Variants in DENND5A observed in about 807,000 individuals in gnomAD.
The protein encoded by DENND5A is DENN domain containing 5A.
A neutral mutation model predicts 140.3 loss-of-function variants in DENND5A; 64 were observed. The ratio of observed to expected loss-of-function variants is 0.46; its 90% CI spans 0.37 to 0.56. The LOEUF (loss-of-function observed/expected upper bound fraction) is 0.56. Among genes scored for constraint, DENND5A ranks in the 20% least tolerant of loss-of-function variants. The pLI is 0.00. For synonymous variants in DENND5A, 605 were observed against 607.7 expected (o/e 1.00, Z 0.07); for missense variants, 1,292 against 1,593.8 (o/e 0.81, Z 3.22).
chr11:9,197,242 T>C (rs963384121), intron 4 of DENND5A, among the ~76,000 whole-genome samples: 1 of 149,768 alleles, frequency 6.7e-6, no homozygotes, highest in Non-Finnish European at 1.5e-5. Context: ...GAGGCAGAGG[T>C]TGCAGCGAGC....
At chr11:9,199,392 G>C (rs1278506639) in intron 4 of DENND5A, among the ~76,000 whole-genome samples, 1 of 152,146 alleles carries the variant, frequency 6.6e-6, no homozygotes, top group Non-Finnish European at 1.5e-5. Context: ...AGCTACCCAG[G>C]AGGCTGAGGT....
At chr11:9,251,830 A>T (rs995218740) in intron 1 of DENND5A, among the ~76,000 whole-genome samples, 1 of 150,806 alleles carries the variant, frequency 6.6e-6, no homozygotes, top group African/African-American at 2.4e-5. Flanking sequence ...TCTACTAAAA[A>T]TACAAAAAAT....
At chr11:9,170,213 TAACTC>T (rs1453852532) in intron 9 of DENND5A, 10 of 907,136 alleles carry the variant, frequency 1.1e-5, no homozygotes, top group Non-Finnish European at 1.3e-5. Flanking sequence ...TATATTCACT[TAACTC>T]TATCTGGGCT....
chr11:9,248,411 G>A (rs1278820379), intron 1 of DENND5A, among the ~76,000 whole-genome samples: 1 of 152,060 alleles, frequency 6.6e-6, no homozygotes, highest in Non-Finnish European at 1.5e-5. Context: ...AAGAGAGAGA[G>A]AAGCTGAGGT....
intron 1 of DENND5A, among the ~76,000 whole-genome samples, chr11:9,255,243 A>C (rs566731093): frequency 6.6e-6 from 1 of 152,314 alleles, no homozygotes; most frequent in African/African-American, 2.4e-5. Context: ...CTGCTATTGG[A>C]AATGTACACT....
chr11:9,146,035 G>T (rs1847420712), intron 16 of DENND5A, among the ~76,000 whole-genome samples: 1 of 152,054 alleles, frequency 6.6e-6, no homozygotes, highest in South Asian at 2.1e-4. Context: ...CTCCTCTCAG[G>T]CTTACCACCC....
intron 12 of DENND5A, among the ~76,000 whole-genome samples, chr11:9,153,879 T>A (rs886618691): frequency 6.6e-6 from 1 of 152,244 alleles, no homozygotes; most frequent in Non-Finnish European, 1.5e-5. Flanking sequence ...TTTGCAAGCC[T>A]GATGTGAGGG....
At position 9,142,042 on chromosome 11, in the gene DENND5A, G is replaced by C. The variant is rs766305722; in HGVS notation, c.3578C>G (p.Thr1193Arg). 6.2e-7 allele frequency: 1 copy of C among 1,606,342 alleles called. No homozygotes were observed. Among genetic ancestry groups the C allele is most frequent in the Non-Finnish European group, 8.5e-7 (1 of 1,176,494 alleles). The change falls in exon 22 of 23, where the codon ACA (threonine) becomes AGA (arginine). Residue 1193 changes from threonine to arginine, a missense_variant. Thr to Arg is a moderately conservative substitution (Grantham distance 71). Transcript: ENST00000328194. ...NEVVPEENWH[T>R]RARNFCRFVT... ...AAATCGGCAGAAGTTCCGGGCTCTTGTATGCCAGTTTTCCTCAGGGACTAC... is the reference window on the plus strand; with the variant it reads ...AAATCGGCAGAAGTTCCGGGCTCTTCTATGCCAGTTTTCCTCAGGGACTAC...
rs1332653548 is a variant in DENND5A at position 9,246,230 on chromosome 11, A to T, written c.109+18731T>A. The stretch of plus-strand genomic sequence containing the variant: ...ATGTTTGCTTTCCCCACACAAACTA[A>T]GGAGAACATCTTAAAATGTGTCCCT... On this transcript the variant is annotated intron_variant, in intron 1 of 22. Coordinates refer to ENST00000328194, the MANE Select transcript of DENND5A (RefSeq NM_015213.4). 2.0e-5 allele frequency among the ~76,000 whole-genome samples: 3 copies of T among 152,332 alleles called. No homozygotes were observed. In the East Asian group the frequency reaches 5.8e-4, roughly 29 times the overall value.
At chr11:9,173,870 C>A (rs1239835455) in intron 8 of DENND5A, among the ~76,000 whole-genome samples, 3 of 151,772 alleles carry the variant, frequency 2.0e-5, no homozygotes, top group Non-Finnish European at 4.4e-5. Context: ...TTTGGGAGGC[C>A]GAGGCGGGCG....
chr11:9,182,067 C>CATG (rs1848750301), intron 5 of DENND5A, among the ~76,000 whole-genome samples: 1 of 152,180 alleles, frequency 6.6e-6, no homozygotes, highest in Non-Finnish European at 1.5e-5. Context: ...TGCCTGTAAT[C>CATG]CCAGCACTTT....
At chr11:9,212,944 T>C (rs1849936522) in intron 1 of DENND5A, among the ~76,000 whole-genome samples, 1 of 151,680 alleles carries the variant, frequency 6.6e-6, no homozygotes. Flanking sequence ...CAAGAATTCT[T>C]ATGGTGATGG....
intron 1 of DENND5A, among the ~76,000 whole-genome samples, chr11:9,217,005 T>C (rs771401402): frequency 2.0e-4 from 30 of 152,188 alleles, no homozygotes; most frequent in Middle Eastern, 6.8e-3. Flanking sequence ...TACTGCACTA[T>C]AGTCTGGGCA....
At chr11:9,155,870 G>A (rs1474218418) in intron 12 of DENND5A, among the ~76,000 whole-genome samples, 1 of 152,224 alleles carries the variant, frequency 6.6e-6, no homozygotes, top group Non-Finnish European at 1.5e-5. Flanking sequence ...ACTTGCTGCA[G>A]GCAGCCTTAC....
intron 5 of DENND5A, 55 bp downstream of exon 5, chr11:9,193,439 C>A: frequency 7.2e-7 from 1 of 1,398,120 alleles, no homozygotes; most frequent in East Asian, 2.5e-5. Flanking sequence ...ATCCCAAAGC[C>A]CTTCTCTCCC....
At chr11:9,181,524 A>T (rs1420561498) in intron 5 of DENND5A, among the ~76,000 whole-genome samples, 1 of 151,934 alleles carries the variant, frequency 6.6e-6, no homozygotes, top group Non-Finnish European at 1.5e-5. Flanking sequence ...ACTTGAACCC[A>T]GACTGTTGCC....
At chr11:9,188,540 A>T (rs1849001281) in intron 5 of DENND5A, among the ~76,000 whole-genome samples, 1 of 152,178 alleles carries the variant, frequency 6.6e-6, no homozygotes, top group African/African-American at 2.4e-5. Context: ...CTCCCTAGAG[A>T]CTTGTTGAAT....
chr11:9,214,765 C>A (rs1850021963), intron 1 of DENND5A, among the ~76,000 whole-genome samples: 1 of 152,218 alleles, frequency 6.6e-6, no homozygotes, highest in South Asian at 2.1e-4. Flanking sequence ...GCTCTGTCAC[C>A]CAGGCTGGAG....
intron 10 of DENND5A, among the ~76,000 whole-genome samples, chr11:9,166,430 A>G (rs758176284): frequency 1.3e-4 from 20 of 152,206 alleles, no homozygotes; most frequent in Non-Finnish European, 2.2e-4. Context: ...AGTTAGGAAT[A>G]GAAAATTTTT....
Sources: allele counts gnomAD v4.1 joint callset (sites outside exome capture counted in the v4.1 genomes callset), GRCh38; gene constraint gnomAD v4.1.1; transcripts MANE v1.5; gene names NCBI Gene and HGNC (gene_info 2026-07-23, HGNC 2026-07-21).